ACYP2: variants seen among roughly 807,000 people sequenced by gnomAD.
ACYP2 encodes acylphosphatase-2.
ACYP2 carries 12 observed loss-of-function variants against 11.2 expected under a neutral mutation model. That is an observed-to-expected ratio of 1.08 (90% CI 0.69 to 1.74). The LOEUF is 1.74. ACYP2 is among the 40% of genes most tolerant of loss of function. The pLI, the probability that ACYP2 is intolerant of heterozygous loss-of-function variation, is 0.00. For missense variants in ACYP2, 134 were observed against 101.9 expected (o/e 1.31, Z -1.35); for synonymous variants, 43 against 32.2 (o/e 1.33, Z -1.13).
chr2:54,027,837 C>CTTTTT lies in ACYP2; in HGVS notation c.63-23105_63-23101dup, dbSNP rs34122179. On this transcript the variant is annotated intron_variant, in intron 2 of 6. Transcript: ENST00000607452. ...AGTCATCATGTTTCTTTCTTTCTTT[C>CTTTTT]TTTTTTTTTTTTTTTTTTTTGAGAC... 2.5e-3 allele frequency among the ~76,000 whole-genome samples: 243 copies of CTTTTT among 97,872 alleles called. 1 individual carries two copies. The highest frequency in any genetic ancestry group is 3.9e-3 in the Non-Finnish European group (201 of 51,342). The allele number at this position is 97,872 out of a possible 152,430, so 64.2% of individuals were successfully genotyped here. A position where few individuals can be genotyped will look rare whatever the true frequency, so the allele number is the denominator to read the frequency against.
chr2:54,299,807 G>T (rs1056174629), intron 6 of ACYP2, among the ~76,000 whole-genome samples: 1 of 152,104 alleles, frequency 6.6e-6, no homozygotes, highest in African/African-American at 2.4e-5. Flanking sequence ...CCAGGCCCCA[G>T]TGGTTTGGAC....
At chr2:54,006,017 T>C (rs1673046241) in intron 2 of ACYP2, among the ~76,000 whole-genome samples, 1 of 152,202 alleles carries the variant, frequency 6.6e-6, no homozygotes, top group Non-Finnish European at 1.5e-5. Context: ...TTCATCTCAC[T>C]CTGTCACCCA....
intron 4 of ACYP2, among the ~76,000 whole-genome samples, chr2:54,096,330 A>G (rs199829762): frequency 0.059 from 4,001 of 68,218 alleles, no homozygotes; most frequent in East Asian, 0.14. Flanking sequence ...CCGGGCAGAG[A>G]CGCTCCTCAC....
chr2:54,205,655 T>C (rs993809927), intron 6 of ACYP2, among the ~76,000 whole-genome samples: 1 of 152,214 alleles, frequency 6.6e-6, no homozygotes, highest in East Asian at 1.9e-4. Flanking sequence ...GACTTAGATT[T>C]ACCTTCCCAA....
intron 6 of ACYP2, among the ~76,000 whole-genome samples, chr2:54,277,987 T>G (rs1688681609): frequency 6.6e-6 from 1 of 152,178 alleles, no homozygotes; most frequent in Admixed American, 6.5e-5. Flanking sequence ...TATTTATTTA[T>G]GTATTTATTT....
intron 6 of ACYP2, among the ~76,000 whole-genome samples, chr2:54,145,568 A>G (rs1681842903): frequency 6.6e-6 from 1 of 152,156 alleles, no homozygotes; most frequent in South Asian, 2.1e-4. Flanking sequence ...CCCACTTTCA[A>G]TAACAGTATG....
At chr2:54,003,461 T>C (rs1672901423) in intron 2 of ACYP2, among the ~76,000 whole-genome samples, 1 of 151,914 alleles carries the variant, frequency 6.6e-6, no homozygotes, top group Non-Finnish European at 1.5e-5. Context: ...GGTTTCTCCA[T>C]GTTGGTCAGG....
intron 6 of ACYP2, among the ~76,000 whole-genome samples, chr2:54,177,332 C>T (rs969986583): frequency 6.6e-6 from 1 of 152,166 alleles, no homozygotes; most frequent in South Asian, 2.1e-4. Flanking sequence ...TCTACTAAAT[C>T]CACAGCTCAT....
At chr2:54,279,025 G>A (rs568035223) in intron 6 of ACYP2, among the ~76,000 whole-genome samples, 2 of 152,306 alleles carry the variant, frequency 1.3e-5, no homozygotes, top group East Asian at 3.9e-4. Context: ...CCCATGATAA[G>A]TTAAACCTCA....
At chr2:54,301,167 C>G (rs1689709984) in intron 6 of ACYP2, among the ~76,000 whole-genome samples, 1 of 152,186 alleles carries the variant, frequency 6.6e-6, no homozygotes, top group African/African-American at 2.4e-5. Context: ...TTAAGACTTT[C>G]TTCTGGCCAT....
At chr2:54,163,022 C>T (rs149561669) in intron 6 of ACYP2, among the ~76,000 whole-genome samples, 3 of 152,246 alleles carry the variant, frequency 2.0e-5, no homozygotes, top group Non-Finnish European at 4.4e-5. Context: ...GTCACTTTTG[C>T]TCGTTTTGGA....
At chr2:54,262,199 C>G (rs1573012029) in intron 6 of ACYP2, among the ~76,000 whole-genome samples, 1 of 152,286 alleles carries the variant, frequency 6.6e-6, no homozygotes, top group Admixed American at 6.5e-5. Flanking sequence ...GTGACTGGAC[C>G]TGTGTCCTGG....
chr2:54,230,359 G>A (rs1280160330), intron 6 of ACYP2, among the ~76,000 whole-genome samples: 3 of 151,904 alleles, frequency 2.0e-5, no homozygotes, highest in African/African-American at 7.2e-5. Flanking sequence ...TTTTTGTTTC[G>A]TTTTTTGTTT....
intron 6 of ACYP2, among the ~76,000 whole-genome samples, chr2:54,197,942 A>ACTGTATTG (rs1684571201): frequency 4.3e-5 from 3 of 69,514 alleles, no homozygotes; most frequent in Non-Finnish European, 9.8e-5. Flanking sequence ...TGTATGTATT[A>ACTGTATTG]TATTGTATTG....
chr2:54,258,129 G>A (rs1373151294), intron 6 of ACYP2, among the ~76,000 whole-genome samples: 4 of 152,118 alleles, frequency 2.6e-5, no homozygotes, highest in Non-Finnish European at 5.9e-5. Context: ...TTTAGCAGGG[G>A]AGAAAGATAA....
chr2:54,215,135 A>G (rs1685506362), intron 6 of ACYP2, among the ~76,000 whole-genome samples: 1 of 152,206 alleles, frequency 6.6e-6, no homozygotes, highest in Admixed American at 6.5e-5. Context: ...TATCAGATCT[A>G]GGAACCTTTG....
At chr2:54,285,173 G>A (rs533227647) in intron 6 of ACYP2, among the ~76,000 whole-genome samples, 220 of 152,196 alleles carry the variant, frequency 1.4e-3, no homozygotes, top group African/African-American at 5.1e-3. Context: ...TGGTCCCTTT[G>A]GAATCCTCAT....
intron 6 of ACYP2, among the ~76,000 whole-genome samples, chr2:54,304,216 GTC>G (rs1367923070): frequency 2.4e-5 from 1 of 41,260 alleles, no homozygotes; most frequent in Admixed American, 2.9e-4. Flanking sequence ...TTATATATAT[GTC>G]TGTGTGTGTG....
At chr2:54,179,376 G>A (rs1197745717) in intron 6 of ACYP2, among the ~76,000 whole-genome samples, 2 of 152,066 alleles carry the variant, frequency 1.3e-5, no homozygotes, top group Non-Finnish European at 1.5e-5. Flanking sequence ...GATCGTTACC[G>A]GAAAGGGGTC....
Sources: gnomAD v4.1 joint callset for allele counts (sites outside exome capture counted in the v4.1 genomes callset) on GRCh38, gnomAD v4.1.1 for gene constraint, MANE v1.5 for transcripts, NCBI Gene and HGNC (gene_info 2026-07-23, HGNC 2026-07-21) for gene names.